RIMBP2: variants seen among roughly 807,000 people sequenced by gnomAD.
RIMBP2 encodes the protein RIMS binding protein 2.
In RIMBP2, 48 loss-of-function variants were observed where a neutral mutation model predicts 118.6. The ratio of observed to expected loss-of-function variants is 0.40; its 90% CI spans 0.32 to 0.51. RIMBP2 has a LOEUF of 0.51. RIMBP2 is among the 20% of genes least tolerant of loss of function. The pLI is 0.41. For missense variants in RIMBP2, 1,551 were observed against 1,768.3 expected, an observed-to-expected ratio of 0.88 and a Z score of 2.20; for synonymous variants, 762 against 742.9, an observed-to-expected ratio of 1.03 and a Z score of -0.42.
At chr12:130,676,428 T>G (rs10219581) in intron 1 of RIMBP2, among the ~76,000 whole-genome samples, 84,042 of 150,814 alleles carry the variant, frequency 0.56, 23,714 homozygotes, top group East Asian at 0.74. Flanking sequence ...ATGGAGACCA[T>G]CCTGGCCAAC....
intron 21 of RIMBP2, among the ~76,000 whole-genome samples, chr12:130,402,807 C>T (rs1434134100): frequency 1.3e-5 from 2 of 152,202 alleles, no homozygotes. Context: ...GATTATCTCC[C>T]GTACCTTAGT....
intron 15 of RIMBP2, chr12:130,427,955 T>C (rs1012312786): frequency 2.4e-6 from 1 of 425,204 alleles, no homozygotes; most frequent in African/African-American, 2.1e-5. Context: ...CCAAATAGAT[T>C]CCTCTAAACT....
chr12:130,640,082 C>T (rs949625099), intron 1 of RIMBP2, among the ~76,000 whole-genome samples: 26 of 152,130 alleles, frequency 1.7e-4, no homozygotes, highest in African/African-American at 6.0e-4. Flanking sequence ...CTGTACACTC[C>T]GCCCCAGAAC....
chr12:130,593,536 C>T (rs1406657131), intron 2 of RIMBP2, among the ~76,000 whole-genome samples: 2 of 152,190 alleles, frequency 1.3e-5, no homozygotes, highest in Non-Finnish European at 2.9e-5. Context: ...GTCCCGCACC[C>T]TTGGCGGCTG....
intron 1 of RIMBP2, among the ~76,000 whole-genome samples, chr12:130,640,396 C>A (rs1320975717): frequency 2.0e-5 from 3 of 152,158 alleles, no homozygotes; most frequent in African/African-American, 7.2e-5. Flanking sequence ...TATCTTCAGC[C>A]CAATTATTTC....
At chr12:130,611,476 G>A (rs567988994) in intron 2 of RIMBP2, among the ~76,000 whole-genome samples, 10 of 152,270 alleles carry the variant, frequency 6.6e-5, no homozygotes, top group East Asian at 3.9e-4. Context: ...CTCTGCCCCC[G>A]ATCCTCCGCT....
chr12:130,658,625 G>A lies in RIMBP2; in HGVS notation c.-351-30169C>T, dbSNP rs149599613. On this transcript the variant is annotated intron_variant, in intron 1 of 22. Transcript: ENST00000690449. ...CTAAACTGCCACTTAAATATTCATAGGCAAGCGCGGTAGCTGCAGCCTCCG... is the reference window on the plus strand; with the variant it reads ...CTAAACTGCCACTTAAATATTCATAAGCAAGCGCGGTAGCTGCAGCCTCCG... 23 of 152,342 alleles carry A rather than the reference G, an allele frequency of 1.5e-4. No homozygotes were observed. In the East Asian group the frequency reaches 2.1e-3, roughly 14 times the overall value. The allele number at this position is 152,342 out of a possible 1,614,324, so 9.4% of individuals were successfully genotyped here.
At chr12:130,408,473 C>G (rs2075390604) in intron 19 of RIMBP2, among the ~76,000 whole-genome samples, 1 of 152,202 alleles carries the variant, frequency 6.6e-6, no homozygotes, top group Non-Finnish European at 1.5e-5. Context: ...GGTGCATTCC[C>G]ACGGCCTGGC....
intron 2 of RIMBP2, among the ~76,000 whole-genome samples, chr12:130,600,398 G>A (rs1179448733): frequency 6.6e-6 from 1 of 152,122 alleles, no homozygotes; most frequent in East Asian, 1.9e-4. Context: ...CCTGCCGGAA[G>A]GATGTCAGCC....
At position 130,470,585 on chromosome 12, in the gene RIMBP2, T is replaced by G. The variant is rs2080918831; in HGVS notation, c.153+108A>C. 3.7e-6 allele frequency: 2 copies of G among 545,008 alleles called. 1 individual carries two copies. The highest frequency in any genetic ancestry group is 7.0e-5 in the East Asian group (2 of 28,674). 33.8% of individuals were successfully genotyped at this position (545,008 alleles called of 1,614,324 possible). On this transcript the variant is annotated intron_variant, in intron 6 of 22. Transcript: ENST00000690449. ...CACATGAATGGCATCTAGTAACTGG[T>G]GCACCAGGCGCACTTCATAAACATC...
At chr12:130,522,599 T>A (rs936071452) in intron 2 of RIMBP2, among the ~76,000 whole-genome samples, 3 of 152,178 alleles carry the variant, frequency 2.0e-5, no homozygotes, top group African/African-American at 7.2e-5. Flanking sequence ...GAATTCGACT[T>A]CAAGGCGGGG....
chr12:130,431,596 ATT>A lies in RIMBP2; in HGVS notation c.2253+3136_2253+3137del, dbSNP rs1036788743. 6.2e-6 allele frequency: 1 copy of A among 161,204 alleles called. No individual in the cohort carries two copies. Among genetic ancestry groups the A allele is most frequent in the African/African-American group, 2.4e-5 (1 of 41,392 alleles). The allele number at this position is 161,204 out of a possible 1,614,324, so 10.0% of individuals were successfully genotyped here. A position where few individuals can be genotyped will look rare whatever the true frequency, so the allele number is the denominator to read the frequency against. ...AACAATATATATTAACAATTAATAT[ATT>A]GTTATATTATTATGTTATGAATACA... is the stretch of plus-strand genomic sequence containing the variant. On this transcript the variant is annotated intron_variant, in intron 14 of 22. Coordinates refer to ENST00000690449, the MANE Select transcript of RIMBP2 (RefSeq NM_001393629.1). The surrounding 1 kb of genome is among the most constrained non-coding windows in gnomAD (Gnocchi z 4.0).
chr12:130,401,993 T>G (rs552685866), intron 21 of RIMBP2, among the ~76,000 whole-genome samples: 2 of 152,336 alleles, frequency 1.3e-5, no homozygotes, highest in South Asian at 4.1e-4. Context: ...GGCCAGCCCC[T>G]GCTCTGGCTG....
At chr12:130,494,712 C>A (rs12814796) in intron 4 of RIMBP2, among the ~76,000 whole-genome samples, 1 of 152,002 alleles carries the variant, frequency 6.6e-6, no homozygotes, top group African/African-American at 2.4e-5. Flanking sequence ...CCTCCAGGAC[C>A]CTGCACTCCA....
At chr12:130,679,545 C>G (rs1390844852) in intron 1 of RIMBP2, among the ~76,000 whole-genome samples, 2 of 152,184 alleles carry the variant, frequency 1.3e-5, no homozygotes, top group African/African-American at 4.8e-5. Flanking sequence ...CATGAGAGCT[C>G]CCAAGGTCCT....
At chr12:130,640,885 T>C (rs10773804) in intron 1 of RIMBP2, among the ~76,000 whole-genome samples, 90,855 of 152,114 alleles carry the variant, frequency 0.6, 28,139 homozygotes, top group Admixed American at 0.68. Context: ...TTTTCAGATG[T>C]GAAAGAAAAG....
At chr12:130,484,693 C>A (rs180778158) in intron 4 of RIMBP2, among the ~76,000 whole-genome samples, 1 of 152,328 alleles carries the variant, frequency 6.6e-6, no homozygotes, top group East Asian at 1.9e-4. Flanking sequence ...GCCACATGGG[C>A]CTCCTCCCAG....
intron 4 of RIMBP2, among the ~76,000 whole-genome samples, chr12:130,485,057 C>T (rs1425963280): frequency 2.0e-5 from 3 of 152,028 alleles, no homozygotes; most frequent in Non-Finnish European, 2.9e-5. Flanking sequence ...AGGAGAAAAC[C>T]CTTTCCCACT....
At chr12:130,412,247 C>T (rs564614014) in intron 19 of RIMBP2, among the ~76,000 whole-genome samples, 3 of 152,194 alleles carry the variant, frequency 2.0e-5, no homozygotes, top group East Asian at 1.9e-4. Context: ...GGCATAGCGG[C>T]CCCCCAACCA....
Sources: gnomAD v4.1 joint callset for allele counts (sites outside exome capture counted in the v4.1 genomes callset) on GRCh38, gnomAD v4.1.1 for gene constraint, Gnocchi (gnomAD v3.1) non-coding constraint, MANE v1.5 for transcripts, NCBI Gene and HGNC (gene_info 2026-07-23, HGNC 2026-07-21) for gene names.